Variants in NPEPPS observed in about 807,000 individuals in gnomAD.
NPEPPS encodes the protein aminopeptidase puromycin sensitive.
A neutral mutation model predicts 115.5 loss-of-function variants in NPEPPS; 14 were observed. The ratio of observed to expected loss-of-function variants is 0.12; its 90% CI spans 0.08 to 0.19. NPEPPS has a LOEUF of 0.19. NPEPPS is among the 10% of genes least tolerant of loss of function. NPEPPS has a pLI of 1.00. For missense variants in NPEPPS, 523 were observed against 1,110.8 expected (o/e 0.47, Z 7.52); for synonymous variants, 285 against 390.6 (o/e 0.73, Z 3.19).
At chr17:47,578,696 A>G (rs999052473) in intron 3 of NPEPPS, among the ~76,000 whole-genome samples, 1 of 151,946 alleles carries the variant, frequency 6.6e-6, no homozygotes, top group Non-Finnish European at 1.5e-5. Context: ...CAAATGATTG[A>G]GGTGACTTGT....
chr17:47,548,914 A>G (rs545052166), intron 2 of NPEPPS, among the ~76,000 whole-genome samples: 1 of 152,248 alleles, frequency 6.6e-6, no homozygotes, highest in Admixed American at 6.5e-5. Context: ...GAATGTTGCT[A>G]AGCTCATAAT....
intron 2 of NPEPPS, among the ~76,000 whole-genome samples, chr17:47,556,173 A>T (rs1910017392): frequency 6.7e-6 from 1 of 149,602 alleles, no homozygotes; most frequent in African/African-American, 2.5e-5. Context: ...AGGTCAGCAG[A>T]TAAACAAGTG....
rs113835147 is a variant in NPEPPS at position 47,608,633 on chromosome 17, G to C, written c.2095+3081G>C. On this transcript the variant is annotated intron_variant, in intron 17 of 22. Transcript: ENST00000322157. ...TAAAAAACAAAACAAAACTGGATGAGATCAACCAGTGACTGAGTGTAAGTA... is the reference window on the plus strand; with the variant it reads ...TAAAAAACAAAACAAAACTGGATGACATCAACCAGTGACTGAGTGTAAGTA... Among the ~76,000 whole-genome samples the C allele has an allele frequency of 7.1e-3, 1,085 of 152,214 alleles. 8 individuals are homozygous for C. Among genetic ancestry groups the C allele is most frequent in the African/African-American group, 0.021 (891 of 41,530 alleles).
At chr17:47,598,964 T>A (rs1913032347) in intron 13 of NPEPPS, among the ~76,000 whole-genome samples, 1 of 152,148 alleles carries the variant, frequency 6.6e-6, no homozygotes, top group African/African-American at 2.4e-5. Flanking sequence ...TCCTGGGCAA[T>A]ATTATAGTGA....
intron 13 of NPEPPS, among the ~76,000 whole-genome samples, chr17:47,597,070 A>G (rs913739108): frequency 5.9e-5 from 9 of 152,024 alleles, no homozygotes; most frequent in Non-Finnish European, 1.3e-4. Flanking sequence ...AAATCAATGT[A>G]TTGATTTATA....
chr17:47,561,289 G>A (rs1320411654), intron 2 of NPEPPS, among the ~76,000 whole-genome samples: 1 of 140,632 alleles, frequency 7.1e-6, no homozygotes, highest in Non-Finnish European at 1.5e-5. Context: ...GAGGCACGAG[G>A]ATTGCTTGAG....
At chr17:47,612,406 T>C in intron 17 of NPEPPS, 54 bp from the exon 18 acceptor site, 2 of 1,588,200 alleles carry the variant, frequency 1.3e-6, no homozygotes, top group Middle Eastern at 3.6e-4. Context: ...AATGGCAAAC[T>C]TATAAAAATA....
rs1353810403 is a variant in NPEPPS, at chr17:47,552,631, CATT to C, written c.340+6642_340+6644del. ...TAGTTATATTTGGTAAGTTTTAAAACATTATTTAAATAGCCTTAAGGTGATATG... is the reference window on the plus strand; with the variant it reads ...TAGTTATATTTGGTAAGTTTTAAAACATTTAAATAGCCTTAAGGTGATATG... On this transcript the variant is annotated intron_variant, in intron 2 of 22. Coordinates refer to ENST00000322157, the MANE Select transcript of NPEPPS (RefSeq NM_006310.4). Among the ~76,000 whole-genome samples, 3 of 152,058 alleles carry C rather than the reference CATT, an allele frequency of 2.0e-5. No individual in the cohort carries two copies. The East Asian group carries it at 5.8e-4, about 29-fold the overall frequency.
chr17:47,571,582 G>C (rs1212408194), intron 3 of NPEPPS, among the ~76,000 whole-genome samples: 1 of 152,114 alleles, frequency 6.6e-6, no homozygotes, highest in South Asian at 2.1e-4. Context: ...GCTGGGAATG[G>C]TGGCAGGTGC....
chr17:47,530,521 TAA>T (rs1231328140), upstream of NPEPPS, among the ~76,000 whole-genome samples: 2 of 151,196 alleles, frequency 1.3e-5, 1 homozygote, highest in Non-Finnish European at 3.0e-5. Context: ...CACGCCCGGC[TAA>T]TTTTTTGTAC....
intron 22 of NPEPPS, among the ~76,000 whole-genome samples, chr17:47,620,470 A>G (rs1252254704): frequency 6.6e-6 from 1 of 152,154 alleles, no homozygotes; most frequent in Non-Finnish European, 1.5e-5. Flanking sequence ...TTTGTTAACC[A>G]TTTAGTTCAA....
At chr17:47,581,583 C>T (rs983830172) in intron 4 of NPEPPS, 1 of 152,140 alleles carries the variant, frequency 6.6e-6, no homozygotes, top group Admixed American at 6.5e-5. Context: ...TTTCCTTATA[C>T]TCTCCCTTCT....
chr17:47,597,874 T>A (rs1253504790), intron 13 of NPEPPS, among the ~76,000 whole-genome samples: 1 of 152,238 alleles, frequency 6.6e-6, no homozygotes, highest in African/African-American at 2.4e-5. Context: ...GATTGGATTT[T>A]ACACTAAAGT....
intron 1 of NPEPPS, among the ~76,000 whole-genome samples, chr17:47,539,188 GAGT>G (rs1908571848): frequency 6.8e-6 from 1 of 147,000 alleles, no homozygotes; most frequent in Non-Finnish European, 1.5e-5. Context: ...ATGTGGTCTT[GAGT>G]AGTAAATTAT....
intron 1 of NPEPPS, among the ~76,000 whole-genome samples, chr17:47,533,777 G>A (rs1907995687): frequency 6.6e-6 from 1 of 151,874 alleles, no homozygotes; most frequent in Non-Finnish European, 1.5e-5. Context: ...TTGTTAATTT[G>A]ATGCAAGGAA....
intron 3 of NPEPPS, among the ~76,000 whole-genome samples, chr17:47,575,580 A>AATT (rs10646632): frequency 0.064 from 9,147 of 144,008 alleles, 356 homozygotes; most frequent in African/African-American, 0.1. Context: ...GACAATATTG[A>AATT]ATTATTATTA....
chr17:47,561,346 CAAAAAAA>C (rs71365075), intron 2 of NPEPPS, among the ~76,000 whole-genome samples: 1 of 60,780 alleles, frequency 1.6e-5, no homozygotes, highest in Admixed American at 2.2e-4. Flanking sequence ...GACCCTGTCT[CAAAAAAA>C]AAAAAAAAAA....
At chr17:47,542,902 G>C (rs1172164838) in intron 1 of NPEPPS, among the ~76,000 whole-genome samples, 1 of 151,938 alleles carries the variant, frequency 6.6e-6, no homozygotes, top group Non-Finnish European at 1.5e-5. Context: ...ACTTTGGGAG[G>C]CTGAGACGGG....
intron 18 of NPEPPS, 54 bp from the exon 19 acceptor site, chr17:47,613,615 A>C: frequency 7.3e-7 from 1 of 1,377,344 alleles, no homozygotes; most frequent in Non-Finnish European, 1.0e-6. Context: ...TTAGTATTAG[A>C]ATACTTGAAA....
Sources: gnomAD v4.1 joint callset for allele counts (sites outside exome capture counted in the v4.1 genomes callset) on GRCh38, gnomAD v4.1.1 for gene constraint, MANE v1.5 for transcripts, NCBI Gene and HGNC (gene_info 2026-07-23, HGNC 2026-07-21) for gene names.